Variants in RGS12 observed in about 807,000 individuals in gnomAD.
RGS12 encodes regulator of G-protein signaling 12.
In RGS12, 66 loss-of-function variants were observed where a neutral mutation model predicts 120.1. The ratio of observed to expected loss-of-function variants is 0.55; its 90% CI spans 0.45 to 0.67. RGS12 has a LOEUF of 0.67. RGS12 is among the 30% of genes least tolerant of loss of function. RGS12 has a pLI of 0.00. For synonymous variants in RGS12, 827 were observed against 804.7 expected, an observed-to-expected ratio of 1.03 and a Z score of -0.47; for missense variants, 1,859 against 1,957.7, an observed-to-expected ratio of 0.95 and a Z score of 0.95.
chr4:3,369,801 A>C (rs538373764), intron 3 of RGS12: 1 of 157,130 alleles, frequency 6.4e-6, no homozygotes, highest in Non-Finnish European at 1.4e-5. Flanking sequence ...CACGGAATAC[A>C]GATAGCACTG....
At chr4:3,345,023 G>A (rs1255403823) in intron 3 of RGS12, among the ~76,000 whole-genome samples, 1 of 152,216 alleles carries the variant, frequency 6.6e-6, no homozygotes, top group Admixed American at 6.5e-5. Context: ...TAATATTTGG[G>A]AATAGGCATT....
chr4:3,395,336 T>C (rs1446439018), intron 4 of RGS12, among the ~76,000 whole-genome samples: 3 of 152,222 alleles, frequency 2.0e-5, no homozygotes, highest in African/African-American at 4.8e-5. Flanking sequence ...CTGTGGACTG[T>C]CCATGGTGCA....
At chr4:3,364,317 G>A (rs1278458885) in intron 3 of RGS12, among the ~76,000 whole-genome samples, 1 of 152,118 alleles carries the variant, frequency 6.6e-6, no homozygotes, top group Non-Finnish European at 1.5e-5. Context: ...CGTGTCTGAG[G>A]GCAGCCCCTG....
intron 4 of RGS12, among the ~76,000 whole-genome samples, chr4:3,388,766 G>T (rs1719137143): frequency 6.6e-6 from 1 of 152,242 alleles, no homozygotes; most frequent in South Asian, 2.1e-4. Context: ...GTCGGGGTGG[G>T]GGGGTGGTCC....
intron 3 of RGS12, among the ~76,000 whole-genome samples, chr4:3,344,038 T>C (rs1322738735): frequency 6.6e-6 from 1 of 152,206 alleles, no homozygotes; most frequent in Non-Finnish European, 1.5e-5. Flanking sequence ...GGCATTCTTG[T>C]ACATGTCTCC....
At chr4:3,401,865 G>C (rs988990637) in intron 4 of RGS12, among the ~76,000 whole-genome samples, 2 of 152,280 alleles carry the variant, frequency 1.3e-5, no homozygotes, top group African/African-American at 4.8e-5. Context: ...GAATGGCTGG[G>C]TTCCCCATGG....
In RGS12 at chr4:3,317,352, T is replaced by G; in HGVS notation, c.1182T>G (p.Gly394=). ...QFISVLYRDM[G]ELIEGMRARA... is the part of the protein sequence containing the mutation. ...TCTCTGTCCTGTACCGAGACATGGG[T>G]GAGCTGATTGAGGGCATGCGGGCCC... Residue 394 remains glycine (G), a synonymous_variant, in exon 2 of 18, where the codon GGT becomes GGG. Transcript: ENST00000336727. The G allele has an allele frequency of 6.2e-7, 1 of 1,613,770 alleles. No individual in the cohort carries two copies. The highest frequency in any genetic ancestry group is 8.5e-7 in the Non-Finnish European group (1 of 1,179,930).
At chr4:3,383,051 G>A (rs989669088) in intron 3 of RGS12, among the ~76,000 whole-genome samples, 1 of 152,020 alleles carries the variant, frequency 6.6e-6, no homozygotes, top group African/African-American at 2.4e-5. Context: ...CCCCTGTTGG[G>A]CTGTTTTCTT....
intron 2 of RGS12, chr4:3,324,169 G>GT (rs1725401411): frequency 6.5e-6 from 1 of 152,964 alleles, no homozygotes; most frequent in Non-Finnish European, 1.5e-5. Flanking sequence ...AGGCGACAGT[G>GT]GAGCAGACTC....
chr4:3,362,739 G>A (rs1037101950), intron 3 of RGS12, among the ~76,000 whole-genome samples: 1 of 126,136 alleles, frequency 7.9e-6, no homozygotes, highest in South Asian at 2.7e-4. Context: ...GAGGATGTCT[G>A]TGTGAGGGTG....
rs74628447 is a variant in RGS12 at position 3,433,302 on chromosome 4, C to T, written c.4114+2347C>T. 1.1e-3 allele frequency among the ~76,000 whole-genome samples: 175 copies of T among 152,320 alleles called. No homozygotes were observed. In the East Asian group the frequency reaches 0.028, roughly 24 times the overall value. ...ACAACAGGAGGTGTAGCCAAGCCCA[C>T]GGGCTCCCGCCCTCCCCATTGCCAT... On this transcript the variant is annotated intron_variant, in intron 17 of 17. Transcript: ENST00000336727. This position sits in a 1 kb window ranked among gnomAD's most constrained non-coding sequence, Gnocchi z 4.4.
Position 3,366,579 on chromosome 4 carries a change from C to T in RGS12, c.1999-19837C>T, listed in dbSNP as rs1294240827. On this transcript the variant is annotated intron_variant, in intron 3 of 17. Coordinates refer to ENST00000336727, the MANE Select transcript of RGS12 (RefSeq NM_001394154.1). The surrounding 1 kb of genome is among the most constrained non-coding windows in gnomAD (Gnocchi z 4.0). ...GCTTGCGGCCGGGATCCACCAGGGCCGTCCCGGTTCCTGGGTGTTCCGCGC... is the reference window on the plus strand; with the variant it reads ...GCTTGCGGCCGGGATCCACCAGGGCTGTCCCGGTTCCTGGGTGTTCCGCGC... Among the ~76,000 whole-genome samples, 2 of 152,210 alleles carry T rather than the reference C, an allele frequency of 1.3e-5. No individual in the cohort carries two copies. The highest frequency in any genetic ancestry group is 2.9e-5 in the Non-Finnish European group (2 of 68,034).
chr4:3,423,368 G>A (rs1023425605), intron 12 of RGS12, 147 bp from the exon 13 acceptor site: 24 of 1,074,286 alleles, frequency 2.2e-5, no homozygotes, highest in Middle Eastern at 2.4e-4. Context: ...CGTGGAGGAA[G>A]GCACGTTCTG....
At chr4:3,414,513 CTG>C (rs1722122124) in intron 5 of RGS12, 1 of 598,384 alleles carries the variant, frequency 1.7e-6, no homozygotes, top group African/African-American at 1.9e-5. Flanking sequence ...AGCTTCCTAT[CTG>C]TGTTAAGAAG....
upstream of RGS12, among the ~76,000 whole-genome samples, chr4:3,291,398 G>A (rs1382851529): frequency 1.4e-5 from 2 of 146,244 alleles, no homozygotes; most frequent in East Asian, 4.2e-4. Flanking sequence ...CTAGGCTGGA[G>A]TGCAGTGGCA....
intron 3 of RGS12, among the ~76,000 whole-genome samples, chr4:3,345,386 AC>A (rs1560102841): frequency 6.6e-6 from 1 of 152,170 alleles, no homozygotes; most frequent in African/African-American, 2.4e-5. Context: ...CTTTCTGACA[AC>A]TTTCACATTT....
intron 3 of RGS12, chr4:3,370,337 T>A: frequency 6.2e-7 from 1 of 1,613,052 alleles, no homozygotes; most frequent in Non-Finnish European, 8.5e-7. Flanking sequence ...TAGTTCCGGC[T>A]TTTTCTTTTC....
Position 3,362,771 on chromosome 4 carries a change from GAGTT to G in RGS12, c.1998+19721_1998+19724del, listed in dbSNP as rs539966100. On this transcript the variant is annotated intron_variant, in intron 3 of 17. Transcript: ENST00000336727. ...GGTGTGTGTGAAGATGTGAGGGTGT[GAGTT>G]AGGGTGTGTGTGAGGGTGTGTGTGA... Among the ~76,000 whole-genome samples the G allele has an allele frequency of 2.7e-3, 393 of 148,020 alleles. 3 individuals are homozygous for G. Among genetic ancestry groups the G allele is most frequent in the African/African-American group, 9.0e-3 (358 of 39,848 alleles).
In RGS12 at chr4:3,376,247, AACACACACACACACACACAC is replaced by A. The variant is rs55666879; in HGVS notation, c.1999-10142_1999-10123del. ...TATTCAAGGTTGAAAAGCTCCTTGGAACACACACACACACACACACACACACACACACACACACACACACA... is the reference window on the plus strand; with the variant it reads ...TATTCAAGGTTGAAAAGCTCCTTGGAACACACACACACACACACACACACA... On this transcript the variant is annotated intron_variant, in intron 3 of 17. Coordinates refer to ENST00000336727, the MANE Select transcript of RGS12 (RefSeq NM_001394154.1). Among the ~76,000 whole-genome samples, 96 of 143,572 alleles carry A rather than the reference AACACACACACACACACACAC, an allele frequency of 6.7e-4. 2 individuals are homozygous for A. In the East Asian group the frequency reaches 0.013, roughly 20 times the overall value. The allele number at this position is 143,572 out of a possible 152,430, so 94.2% of individuals were successfully genotyped here. A position where few individuals can be genotyped will look rare whatever the true frequency, so the allele number is the denominator to read the frequency against.
Sources: gnomAD v4.1 joint callset for allele counts (sites outside exome capture counted in the v4.1 genomes callset) on GRCh38, gnomAD v4.1.1 for gene constraint, Gnocchi (gnomAD v3.1) non-coding constraint, MANE v1.5 for transcripts, NCBI Gene and HGNC (gene_info 2026-07-23, HGNC 2026-07-21) for gene names.